Variants in KLHL29 observed in about 807,000 individuals in gnomAD.
The protein encoded by KLHL29 is kelch like family member 29.
KLHL29 carries 21 observed loss-of-function variants against 80.4 expected under a neutral mutation model. The ratio of observed to expected loss-of-function variants is 0.26; its 90% CI spans 0.19 to 0.38. The LOEUF (loss-of-function observed/expected upper bound fraction) is 0.38. Ranked by LOEUF, KLHL29 falls within the 10% of genes least tolerant of loss-of-function variation. The pLI is 1.00. For synonymous variants in KLHL29, 511 were observed against 526.8 expected (o/e 0.97, Z 0.41); for missense variants, 867 against 1,223.9 (o/e 0.71, Z 4.35).
intron 3 of KLHL29, among the ~76,000 whole-genome samples, chr2:23,629,205 G>A (rs186842006): frequency 1.4e-3 from 216 of 152,108 alleles, no homozygotes; most frequent in Non-Finnish European, 2.5e-3. Flanking sequence ...GCTCCTCCAC[G>A]TCCCTGTCTG....
chr2:23,488,874 C>A (rs1171668133), intron 2 of KLHL29, among the ~76,000 whole-genome samples: 1 of 152,152 alleles, frequency 6.6e-6, no homozygotes, highest in African/African-American at 2.4e-5. Flanking sequence ...CTCTTGCTTA[C>A]CCCCAAAGAA....
At chr2:23,567,461 A>G (rs528292072) in intron 3 of KLHL29, among the ~76,000 whole-genome samples, 3 of 152,352 alleles carry the variant, frequency 2.0e-5, no homozygotes, top group South Asian at 4.1e-4. Context: ...TGCAGGCTTC[A>G]TCGTCAACAC....
At chr2:23,424,486 A>G (rs1662951396) in intron 1 of KLHL29, among the ~76,000 whole-genome samples, 1 of 152,236 alleles carries the variant, frequency 6.6e-6, no homozygotes, top group African/African-American at 2.4e-5. Flanking sequence ...ATAAAAAGTG[A>G]CAAAGACAGG....
rs546702886 is a variant in KLHL29 at position 23,663,042 on chromosome 2, A to T, written c.940+20192A>T. ...ATAGAGCTGCCCTGAGGATTCCAAG[A>T]GTGGATCTCATCAGCGGTCTCCGAG... is the stretch of plus-strand genomic sequence containing the variant. On this transcript the variant is annotated intron_variant, in intron 5 of 13. Coordinates refer to ENST00000486442, the MANE Select transcript of KLHL29 (RefSeq NM_052920.2). Among the ~76,000 whole-genome samples the T allele has an allele frequency of 2.0e-4, 30 of 152,142 alleles. No individual in the cohort carries two copies. The South Asian group carries it at 5.8e-3, about 30-fold the overall frequency.
intron 2 of KLHL29, among the ~76,000 whole-genome samples, chr2:23,545,928 T>G (rs1444680671): frequency 6.6e-6 from 1 of 152,202 alleles, no homozygotes; most frequent in Non-Finnish European, 1.5e-5. Context: ...ACCCCTTTGT[T>G]GAGCCCCAGA....
intron 3 of KLHL29, among the ~76,000 whole-genome samples, chr2:23,577,182 G>A (rs531355756): frequency 1.3e-5 from 2 of 152,340 alleles, no homozygotes; most frequent in South Asian, 4.1e-4. Flanking sequence ...CAGTGCAGTC[G>A]CTCACGCCTA....
chr2:23,611,443 G>T (rs1374924436), intron 3 of KLHL29, among the ~76,000 whole-genome samples: 1 of 152,178 alleles, frequency 6.6e-6, no homozygotes, highest in Non-Finnish European at 1.5e-5. Flanking sequence ...CTGAGGAGCT[G>T]CCTCTCTGCT....
At chr2:23,609,791 C>G (rs574116079) in intron 3 of KLHL29, among the ~76,000 whole-genome samples, 2 of 152,144 alleles carry the variant, frequency 1.3e-5, no homozygotes, top group East Asian at 3.9e-4. Context: ...AGTGACTTAT[C>G]CCCATTGTAT....
At position 23,695,484 on chromosome 2, in the gene KLHL29, G is replaced by A; in HGVS notation, c.1543-139G>A. ...TAGACTTCCCTTCACCTCTGTCTAG[G>A]CTAGCAGAGTATCTACACTCCCAAG... On this transcript the variant is annotated intron_variant, in intron 8 of 13. Transcript: ENST00000486442. This position sits in a 1 kb window ranked among gnomAD's most constrained non-coding sequence, Gnocchi z 7.6. 1.5e-6 allele frequency: 1 copy of A among 667,706 alleles called. No homozygotes were observed. The allele number at this position is 667,706 out of a possible 1,614,324, so 41.4% of individuals were successfully genotyped here. A position where few individuals can be genotyped will look rare whatever the true frequency, so the allele number is the denominator to read the frequency against.
At position 23,389,000 on chromosome 2, in the gene KLHL29, TTTTTTTTTTA is replaced by T. The variant is rs1025645935; in HGVS notation, c.-154+3221_-154+3230del. 8.1e-4 allele frequency among the ~76,000 whole-genome samples: 88 copies of T among 108,210 alleles called. 2 individuals are homozygous for T. In the East Asian group the frequency reaches 8.9e-3, roughly 11 times the overall value. The allele number at this position is 108,210 out of a possible 152,430, so 71.0% of individuals were successfully genotyped here. On this transcript the variant is annotated intron_variant, in intron 1 of 13. Coordinates refer to ENST00000486442, the MANE Select transcript of KLHL29 (RefSeq NM_052920.2). ...CTTTCTTTCTTCTTCTTTTTTTTTT[TTTTTTTTTTA>T]AAATCCCAGTACTGTTATGGCTTAG... is the stretch of plus-strand genomic sequence containing the variant.
At chr2:23,479,209 C>T (rs764224110) in intron 2 of KLHL29, among the ~76,000 whole-genome samples, 5 of 151,418 alleles carry the variant, frequency 3.3e-5, no homozygotes, top group African/African-American at 7.3e-5. Flanking sequence ...GGTATGTGGG[C>T]GCTCACACCC....
At chr2:23,634,883 G>A (rs1669568379) in intron 3 of KLHL29, among the ~76,000 whole-genome samples, 1 of 152,126 alleles carries the variant, frequency 6.6e-6, no homozygotes, top group African/African-American at 2.4e-5. Context: ...CATTCATCGA[G>A]CCAGCAGTGA....
chr2:23,696,167 A>AT lies in KLHL29; in HGVS notation c.1924+35dup. The stretch of plus-strand genomic sequence containing the variant: ...CCCCGGGGTTGGGGCGGGACCAGGC[A>AT]TGGGGGTCCCAAGGGGACTGCTCCC... On this transcript the variant is annotated intron_variant, in intron 10 of 13. Coordinates refer to ENST00000486442, the MANE Select transcript of KLHL29 (RefSeq NM_052920.2). The surrounding 1 kb of genome is among the most constrained non-coding windows in gnomAD (Gnocchi z 5.5). 6.5e-7 allele frequency: 1 copy of AT among 1,539,110 alleles called. No homozygotes were observed. The highest frequency in any genetic ancestry group is 8.8e-7 in the Non-Finnish European group (1 of 1,138,596).
At chr2:23,418,563 C>T (rs1662673443) in intron 1 of KLHL29, among the ~76,000 whole-genome samples, 1 of 152,246 alleles carries the variant, frequency 6.6e-6, no homozygotes, top group South Asian at 2.1e-4. Context: ...TCACTTTCTC[C>T]TCCACGGACT....
At chr2:23,405,553 G>C (rs1258704074) in intron 1 of KLHL29, among the ~76,000 whole-genome samples, 2 of 152,146 alleles carry the variant, frequency 1.3e-5, no homozygotes, top group Non-Finnish European at 2.9e-5. Context: ...TTCTGGTCAG[G>C]GGCTGGCATC....
At chr2:23,403,726 A>AGAGTGTGTGTGTGTGT (rs534136885) in intron 1 of KLHL29, among the ~76,000 whole-genome samples, 1 of 144,012 alleles carries the variant, frequency 6.9e-6, no homozygotes, top group Non-Finnish European at 1.5e-5. Flanking sequence ...AGAGAGAGAG[A>AGAGTGTGTGTGTGTGT]GTGTGTGTGT....
chr2:23,620,221 TGA>T (rs1174848970), intron 3 of KLHL29, among the ~76,000 whole-genome samples: 1 of 151,744 alleles, frequency 6.6e-6, no homozygotes, highest in African/African-American at 2.4e-5. Context: ...CCAGGGGTGG[TGA>T]GAGGGGGCAC....
At chr2:23,428,709 C>T (rs964543551) in intron 1 of KLHL29, among the ~76,000 whole-genome samples, 2 of 152,154 alleles carry the variant, frequency 1.3e-5, no homozygotes, top group Non-Finnish European at 2.9e-5. Flanking sequence ...AACAATGTCC[C>T]TCTTCTCGTG....
intron 1 of KLHL29, among the ~76,000 whole-genome samples, chr2:23,429,224 A>G (rs1482422954): frequency 1.3e-5 from 2 of 152,080 alleles, no homozygotes; most frequent in African/African-American, 4.8e-5. Context: ...GGCCTCTAAG[A>G]TCTGTTCTCT....
Sources: allele counts gnomAD v4.1 joint callset (sites outside exome capture counted in the v4.1 genomes callset), GRCh38; gene constraint gnomAD v4.1.1; non-coding constraint Gnocchi (gnomAD v3.1); transcripts MANE v1.5; gene names NCBI Gene and HGNC (gene_info 2026-07-23, HGNC 2026-07-21).